The following GNE variants were observed in gnomAD, a reference collection of about 807,000 sequenced individuals.
GNE encodes bifunctional UDP-N-acetylglucosamine 2-epimerase/N-acetylmannosamine kinase.
Under a neutral mutation model 61.8 loss-of-function variants are expected in GNE, and 41 were observed. The observed-to-expected ratio is 0.66, with a 90% CI of 0.52 to 0.86. The LOEUF (loss-of-function observed/expected upper bound fraction) is 0.86, where lower values mean the gene tolerates loss of function less well. Among genes scored for constraint, GNE ranks in the 40% least tolerant of loss-of-function variants. GNE has a pLI of 0.00. For synonymous variants in GNE, 264 were observed against 326.4 expected, an observed-to-expected ratio of 0.81 and a Z score of 2.06; for missense variants, 608 against 909.1, an observed-to-expected ratio of 0.67 and a Z score of 4.26.
intron 1 of GNE, among the ~76,000 whole-genome samples, chr9:36,263,726 G>A (rs1348339075): frequency 6.6e-6 from 1 of 152,260 alleles, no homozygotes; most frequent in Non-Finnish European, 1.5e-5. Context: ...TACCTAAGCA[G>A]CACAGTTGAA....
rs1831078444 is a variant in GNE at position 36,272,679 on chromosome 9, G to C, written c.51+4215C>G. The stretch of plus-strand genomic sequence containing the variant: ...GAAGATGGATTGGGAAGAGGAGGAA[G>C]GACTGGAAGAAGGGAAACCAGTTAG... On this transcript the variant is annotated intron_variant, in intron 1 of 11. Transcript: ENST00000396594. 3.3e-5 allele frequency among the ~76,000 whole-genome samples: 5 copies of C among 149,562 alleles called. No individual in the cohort carries two copies. In the South Asian group the frequency reaches 1.1e-3, roughly 32 times the overall value.
At chr9:36,255,019 C>A (rs1009969685) in intron 1 of GNE, among the ~76,000 whole-genome samples, 7 of 152,150 alleles carry the variant, frequency 4.6e-5, no homozygotes, top group Non-Finnish European at 7.3e-5. Flanking sequence ...TGTCTATAAA[C>A]CTGGCCTTAG....
chr9:36,274,720 C>CA (rs1831191818), intron 1 of GNE, among the ~76,000 whole-genome samples: 2 of 143,994 alleles, frequency 1.4e-5, no homozygotes, highest in East Asian at 4.0e-4. Context: ...GTTTCACATT[C>CA]TTTTTTTTTT....
rs1482555255 is a variant in GNE, at chr9:36,223,375, A to G, written c.1409T>C (p.Val470Ala). 4 of 1,612,328 alleles carry G rather than the reference A, an allele frequency of 2.5e-6. No individual in the cohort carries two copies. The highest frequency in any genetic ancestry group is 1.3e-5 in the African/African-American group (1 of 74,848). The change falls in exon 8 of 12, where the codon GTA becomes GCA. Residue 470 changes from valine (V) to alanine (A), a missense_variant and splice_region_variant. Coordinates refer to ENST00000642385, the MANE Select transcript of GNE (RefSeq NM_005476.7). ...AVKLNCRILG[V>A]GISTGGRVNP... ...GGATTTATAATTTACAATCTTACCT[A>G]CTCCCAAAATTCTGCAGTTCAGTTT...
Position 36,218,702 on chromosome 9 carries a change from G to A in GNE, c.1817-403C>T, listed in dbSNP as rs1249972873. 6.6e-6 allele frequency among the ~76,000 whole-genome samples: 1 copy of A among 152,194 alleles called. No homozygotes were observed. The highest frequency in any genetic ancestry group is 1.5e-5 in the Non-Finnish European group (1 of 68,034). On this transcript the variant is annotated intron_variant, in intron 10 of 11. Coordinates refer to ENST00000642385, the MANE Select transcript of GNE (RefSeq NM_005476.7). This position sits in a 1 kb window ranked among gnomAD's most constrained non-coding sequence, Gnocchi z 4.1. Reference sequence around the variant, plus strand: ...CCAGCGCCACGCGTTCTATGGCAGCGAGGCACAGTGGCTGAGGAACAGACA... The same window carrying A: ...CCAGCGCCACGCGTTCTATGGCAGCAAGGCACAGTGGCTGAGGAACAGACA...
chr9:36,265,437 C>T lies in GNE; in HGVS notation c.51+11457G>A, dbSNP rs960255705. The T allele has an allele frequency of 1.1e-5, 5 of 456,598 alleles. No individual in the cohort carries two copies. The Admixed American group carries it at 1.2e-4, about 11-fold the overall frequency. 28.3% of individuals were successfully genotyped at this position (456,598 alleles called of 1,614,324 possible). A position where few individuals can be genotyped will look rare whatever the true frequency, so the allele number is the denominator to read the frequency against. On this transcript the variant is annotated intron_variant, in intron 1 of 11. Transcript: ENST00000396594. Reference sequence around the variant, plus strand: ...GTTTTCTAGGGAGATGGAAGGGAGTCAAGGATGTTGCCATGTATGTGCCAT... The same window carrying T: ...GTTTTCTAGGGAGATGGAAGGGAGTTAAGGATGTTGCCATGTATGTGCCAT...
At chr9:36,254,439 G>A (rs1005676096) in intron 1 of GNE, among the ~76,000 whole-genome samples, 1 of 151,926 alleles carries the variant, frequency 6.6e-6, no homozygotes, top group Non-Finnish European at 1.5e-5. Context: ...GGCTGAGGCA[G>A]GAAGATCACT....
At chr9:36,251,162 G>A (rs1163565087) in intron 1 of GNE, among the ~76,000 whole-genome samples, 1 of 151,934 alleles carries the variant, frequency 6.6e-6, no homozygotes, top group Non-Finnish European at 1.5e-5. Flanking sequence ...CTCCTTGCTG[G>A]TCTTCTACTC....
At chr9:36,255,941 T>C (rs376597592) in intron 1 of GNE, among the ~76,000 whole-genome samples, 6 of 152,326 alleles carry the variant, frequency 3.9e-5, no homozygotes, top group African/African-American at 1.4e-4. Flanking sequence ...GTTTTTGTTT[T>C]TGAGACAGGG....
chr9:36,242,451 G>A lies in GNE; in HGVS notation c.616+3580C>T, dbSNP rs1249916854. On this transcript the variant is annotated intron_variant, in intron 3 of 11. Coordinates refer to ENST00000642385, the MANE Select transcript of GNE (RefSeq NM_005476.7). ...GTTTTTTGTTTTGAGACGGAGTCTC[G>A]CTCTGTTGCCAGATTGGAGTGCAGT... Among the ~76,000 whole-genome samples, 11 of 152,258 alleles carry A rather than the reference G, an allele frequency of 7.2e-5. No homozygotes were observed. The South Asian group carries it at 1.2e-3, about 17-fold the overall frequency.
upstream of GNE, among the ~76,000 whole-genome samples, chr9:36,261,922 CA>C (rs34856029): frequency 0.71 from 92,375 of 129,820 alleles, 32,070 homozygotes; most frequent in Non-Finnish European, 0.79. Flanking sequence ...GACTCAATCT[CA>C]AAAAAAAAAA....
chr9:36,225,125 C>T (rs1828802826), intron 7 of GNE, among the ~76,000 whole-genome samples: 1 of 152,048 alleles, frequency 6.6e-6, no homozygotes, highest in Non-Finnish European at 1.5e-5. Context: ...AAATAATCAG[C>T]ACTTCCATCC....
Position 36,218,718 on chromosome 9 carries a change from G to A in GNE, c.1817-419C>T, listed in dbSNP as rs1828448465. 6.6e-6 allele frequency among the ~76,000 whole-genome samples: 1 copy of A among 152,206 alleles called. No homozygotes were observed. Among genetic ancestry groups the A allele is most frequent in the South Asian group, 2.1e-4 (1 of 4,832 alleles). On this transcript the variant is annotated intron_variant, in intron 10 of 11. Transcript: ENST00000642385. The surrounding 1 kb of genome is among the most constrained non-coding windows in gnomAD (Gnocchi z 4.1). ...TATGGCAGCGAGGCACAGTGGCTGAGGAACAGACACAGGCCTGGGGTCAGT... is the reference window on the plus strand; with the variant it reads ...TATGGCAGCGAGGCACAGTGGCTGAAGAACAGACACAGGCCTGGGGTCAGT...
chr9:36,242,732 G>GC lies in GNE; in HGVS notation c.616+3298_616+3299insG, dbSNP rs375794259. On this transcript the variant is annotated intron_variant, in intron 3 of 11. Transcript: ENST00000642385. ...CGCATCTGGCCTGGGTTTTATGCTTGTTTTTTTTTTTTTTTTTTTTTTTGA... is the reference window on the plus strand; with the variant it reads ...CGCATCTGGCCTGGGTTTTATGCTTGCTTTTTTTTTTTTTTTTTTTTTTTGA... Among the ~76,000 whole-genome samples, 712 of 95,994 alleles carry GC rather than the reference G, an allele frequency of 7.4e-3. 107 individuals carry two copies. The highest frequency in any genetic ancestry group is 8.1e-3 in the Non-Finnish European group (411 of 50,776). 63.0% of individuals were successfully genotyped at this position (95,994 alleles called of 152,430 possible). A position where few individuals can be genotyped will look rare whatever the true frequency, so the allele number is the denominator to read the frequency against.
intron 1 of GNE, among the ~76,000 whole-genome samples, chr9:36,257,663 C>T (rs1454296038): frequency 1.3e-5 from 2 of 150,756 alleles, no homozygotes; most frequent in East Asian, 2.0e-4. Context: ...ATTAGCCGGG[C>T]GTGGTGGTGG....
chr9:36,217,166 C>T lies in GNE; in HGVS notation c.*199G>A, dbSNP rs1367238022. The T allele has an allele frequency of 3.3e-6, 2 of 608,576 alleles. No individual in the cohort carries two copies. Among genetic ancestry groups the T allele is most frequent in the African/African-American group, 3.7e-5 (2 of 54,230 alleles). The allele number at this position is 608,576 out of a possible 1,614,324, so 37.7% of individuals were successfully genotyped here. On this transcript the variant is annotated 3_prime_UTR_variant, in exon 12 of 12. Transcript: ENST00000642385. ...AAAATGACCCCTAGTAAGAAGACATCAGAAAGAATAGCATCTACAAAAATA... is the reference window on the plus strand; with the variant it reads ...AAAATGACCCCTAGTAAGAAGACATTAGAAAGAATAGCATCTACAAAAATA...
At chr9:36,273,872 C>T (rs898542848) in intron 1 of GNE, among the ~76,000 whole-genome samples, 1 of 151,708 alleles carries the variant, frequency 6.6e-6, no homozygotes, top group East Asian at 1.9e-4. Flanking sequence ...CTCCTGACGT[C>T]GATCCACCCG....
rs60845805 is a variant in GNE, at chr9:36,257,802, C to CAAAAAAAA, written c.-43+511_-43+518dup. ...TGGGCGACAGAGCGAGACTCAGTCT[C>CAAAAAAAA]AAAAAAAAAAAAAAAAAAAAAAAAA... is the stretch of plus-strand genomic sequence containing the variant. On this transcript the variant is annotated intron_variant, in intron 1 of 11. Coordinates refer to ENST00000642385, the MANE Select transcript of GNE (RefSeq NM_005476.7). Among the ~76,000 whole-genome samples, 40 of 25,228 alleles carry CAAAAAAAA rather than the reference C, an allele frequency of 1.6e-3. 6 individuals are homozygous for CAAAAAAAA. The highest frequency in any genetic ancestry group is 4.0e-3 in the African/African-American group (31 of 7,808). 16.6% of individuals were successfully genotyped at this position (25,228 alleles called of 152,430 possible). A position where few individuals can be genotyped will look rare whatever the true frequency, so the allele number is the denominator to read the frequency against.
Position 36,218,396 on chromosome 9 carries a change from C to A in GNE, c.1817-97G>T. 1 of 841,878 alleles carries A rather than the reference C, an allele frequency of 1.2e-6. No individual in the cohort carries two copies. The highest frequency in any genetic ancestry group is 2.0e-6 in the Non-Finnish European group (1 of 489,586). 52.2% of individuals were successfully genotyped at this position (841,878 alleles called of 1,614,324 possible). On this transcript the variant is annotated intron_variant, in intron 10 of 11. Transcript: ENST00000642385. The surrounding 1 kb of genome is among the most constrained non-coding windows in gnomAD (Gnocchi z 4.1). ...GAAAGCAAGCCCCTACATGGGAAGACGGTGTTTTCTTTTCACAATTGCAAA... is the reference window on the plus strand; with the variant it reads ...GAAAGCAAGCCCCTACATGGGAAGAAGGTGTTTTCTTTTCACAATTGCAAA...
Sources: allele counts gnomAD v4.1 joint callset (sites outside exome capture counted in the v4.1 genomes callset), GRCh38; gene constraint gnomAD v4.1.1; non-coding constraint Gnocchi (gnomAD v3.1); transcripts MANE v1.5; gene names NCBI Gene and HGNC (gene_info 2026-07-23, HGNC 2026-07-21).